Variants in RXFP2 observed in about 807,000 individuals in gnomAD.
RXFP2 encodes the protein relaxin receptor 2.
In RXFP2, 68 loss-of-function variants were observed where a neutral mutation model predicts 88.6. The observed-to-expected ratio is 0.77, with a 90% CI of 0.63 to 0.94. The LOEUF is 0.94. Among genes scored for constraint, RXFP2 ranks in the 40% least tolerant of loss-of-function variants. The pLI is 0.00. For synonymous variants in RXFP2, 329 were observed against 306.8 expected (o/e 1.07, Z -0.76); for missense variants, 791 against 893.9 (o/e 0.88, Z 1.47).
At chr13:31,775,652 G>C (rs2138430476) in intron 7 of RXFP2, among the ~76,000 whole-genome samples, 1 of 152,272 alleles carries the variant, frequency 6.6e-6, no homozygotes, top group South Asian at 2.1e-4. Flanking sequence ...CAAGAGTTGT[G>C]ACAACTAAAA....
chr13:31,799,930 C>T (rs985766641), intron 17 of RXFP2, among the ~76,000 whole-genome samples: 18 of 152,140 alleles, frequency 1.2e-4, no homozygotes, highest in African/African-American at 3.4e-4. Context: ...TCTACGACAC[C>T]TCAGATCATG....
intron 16 of RXFP2, among the ~76,000 whole-genome samples, chr13:31,796,319 T>A: frequency 6.6e-6 from 1 of 151,884 alleles, no homozygotes; most frequent in Non-Finnish European, 1.5e-5. Flanking sequence ...AACTATGTGT[T>A]ATTCTTAAGA....
chr13:31,794,368 C>CCACACACA (rs56077729), intron 16 of RXFP2, among the ~76,000 whole-genome samples: 119 of 145,888 alleles, frequency 8.2e-4, no homozygotes, highest in East Asian at 2.1e-4. Flanking sequence ...GAAACACACA[C>CCACACACA]CACACACACA....
intron 1 of RXFP2, among the ~76,000 whole-genome samples, chr13:31,757,644 C>T (rs9603647): frequency 0.32 from 48,906 of 152,028 alleles, 8,866 homozygotes; most frequent in Admixed American, 0.43. Flanking sequence ...ATGGTTTTAC[C>T]TTTCTGTTTC....
At chr13:31,775,452 C>A in intron 7 of RXFP2, 63 bp downstream of exon 7, 1 of 1,164,448 alleles carries the variant, frequency 8.6e-7, no homozygotes, top group Non-Finnish European at 1.3e-6. Context: ...TATAACAGTG[C>A]TAATGTAGTT....
rs558345702 is a variant in RXFP2, at chr13:31,786,326, A to G, written c.930-57A>G. 5.1e-6 allele frequency: 6 copies of G among 1,168,734 alleles called. 1 individual carries two copies. The South Asian group carries it at 6.1e-5, about 12-fold the overall frequency. 72.4% of individuals were successfully genotyped at this position (1,168,734 alleles called of 1,614,324 possible). A position where few individuals can be genotyped will look rare whatever the true frequency, so the allele number is the denominator to read the frequency against. ...GGGATGATGATAATTGTGAGGAGTA[A>G]TAAGTCTGTCATTTACTTCCAAAGT... On this transcript the variant is annotated intron_variant, in intron 11 of 17. Transcript: ENST00000298386.
At chr13:31,761,933 C>A in intron 3 of RXFP2, 132 bp downstream of exon 3, 1 of 664,076 alleles carries the variant, frequency 1.5e-6, no homozygotes, top group Non-Finnish European at 2.8e-6. Context: ...CACTGGCTAA[C>A]AGGTCTGCTG....
chr13:31,778,455 A>G, intron 8 of RXFP2, 57 bp from the exon 9 acceptor site: 1 of 1,164,580 alleles, frequency 8.6e-7, no homozygotes, highest in Non-Finnish European at 1.3e-6. Flanking sequence ...TAATAAAAAG[A>G]CTGTCCTAAA....
Position 31,788,047 on chromosome 13 carries a change from CT to C in RXFP2, c.1074-1074del, listed in dbSNP as rs1873628166. On this transcript the variant is annotated intron_variant, in intron 13 of 17. Transcript: ENST00000298386. ...TTTAGCACTTGGGATACAGTGGCCC[CT>C]GCTCTTCAGGATGCTATAGGTTAGT... Among the ~76,000 whole-genome samples, 6 of 152,138 alleles carry C rather than the reference CT, an allele frequency of 3.9e-5. No homozygotes were observed. In the South Asian group the frequency reaches 1.2e-3, roughly 32 times the overall value.
chr13:31,762,386 A>G (rs1872340191), intron 3 of RXFP2, among the ~76,000 whole-genome samples: 1 of 152,130 alleles, frequency 6.6e-6, no homozygotes, highest in South Asian at 2.1e-4. Flanking sequence ...GAGCAAGATC[A>G]ACAAAACACT....
intron 9 of RXFP2, 98 bp from the exon 10 acceptor site, chr13:31,781,572 AT>A: frequency 1.2e-6 from 1 of 824,526 alleles, no homozygotes; most frequent in Non-Finnish European, 2.0e-6. Flanking sequence ...AACAACTGGA[AT>A]GAAGTAAAAA....
Position 31,786,575 on chromosome 13 carries a change from A to T in RXFP2, c.1011A>T (p.Ser337=), listed in dbSNP as rs371283474. The T allele has an allele frequency of 5.6e-6, 9 of 1,599,680 alleles. No homozygotes were observed. Among genetic ancestry groups the T allele is most frequent in the African/African-American group, 1.3e-5 (1 of 74,282 alleles). ...DLKLLQKLNL[S]SNPLMYLHKN... is the part of the protein sequence containing the mutation. ...ATGGTAAAAAAAAAAGGAACCTGTC[A>T]TCCAATCCTCTTATGTATCTTCACA... The change falls in exon 13 of 18, where the codon TCA becomes TCT. Residue 337 remains serine (S), a synonymous_variant. Coordinates refer to ENST00000298386, the MANE Select transcript of RXFP2 (RefSeq NM_130806.5).
At chr13:31,790,447 C>T (rs1251411170) in intron 14 of RXFP2, among the ~76,000 whole-genome samples, 1 of 152,206 alleles carries the variant, frequency 6.6e-6, no homozygotes, top group Non-Finnish European at 1.5e-5. Context: ...GGAAGCTGAA[C>T]TGTAAGCTAC....
chr13:31,791,763 T>C, intron 14 of RXFP2, 43 bp from the exon 15 acceptor site: 1 of 1,332,744 alleles, frequency 7.5e-7, no homozygotes, highest in Non-Finnish European at 1.1e-6. Flanking sequence ...GTAGGTTCTG[T>C]ATCATTGCTG....
Position 31,802,571 on chromosome 13 carries a change from T to C in RXFP2, c.*166T>C. On this transcript the variant is annotated 3_prime_UTR_variant, in exon 18 of 18. Coordinates refer to ENST00000298386, the MANE Select transcript of RXFP2 (RefSeq NM_130806.5). Reference sequence around the variant, plus strand: ...CTGCATTCCAATGGCAGCTGTACTATCTACCAACCATGCTGAGGACAGCAC... The same window carrying C: ...CTGCATTCCAATGGCAGCTGTACTACCTACCAACCATGCTGAGGACAGCAC... 1 of 778,686 alleles carries C rather than the reference T, an allele frequency of 1.3e-6. No homozygotes were observed. Among genetic ancestry groups the C allele is most frequent in the Non-Finnish European group, 2.2e-6 (1 of 455,142 alleles). The allele number at this position is 778,686 out of a possible 1,614,324, so 48.2% of individuals were successfully genotyped here.
intron 3 of RXFP2, among the ~76,000 whole-genome samples, chr13:31,764,259 A>G (rs966944722): frequency 1.4e-5 from 2 of 147,594 alleles, no homozygotes; most frequent in African/African-American, 5.0e-5. Context: ...ACACACACAC[A>G]CACACACACA....
chr13:31,789,328 C>A, intron 14 of RXFP2, 135 bp downstream of exon 14: 1 of 691,308 alleles, frequency 1.4e-6, no homozygotes, highest in Non-Finnish European at 2.6e-6. Flanking sequence ...TTAATTTTGT[C>A]ACCTTTGGTC....
intron 11 of RXFP2, among the ~76,000 whole-genome samples, chr13:31,785,409 C>A (rs550792530): frequency 2.5e-4 from 38 of 152,230 alleles, no homozygotes; most frequent in African/African-American, 9.1e-4. Context: ...TTTACACCCA[C>A]CTGAGAAGCT....
intron 11 of RXFP2, among the ~76,000 whole-genome samples, chr13:31,785,096 A>G (rs1873466840): frequency 6.6e-6 from 1 of 152,174 alleles, no homozygotes; most frequent in South Asian, 2.1e-4. Flanking sequence ...CCGAAGAATC[A>G]CATGGGATAT....
Sources: allele counts gnomAD v4.1 joint callset (sites outside exome capture counted in the v4.1 genomes callset), GRCh38; gene constraint gnomAD v4.1.1; transcripts MANE v1.5; gene names NCBI Gene and HGNC (gene_info 2026-07-23, HGNC 2026-07-21).